The following MYH11 variants were observed in gnomAD, a reference collection of about 807,000 sequenced individuals.
MYH11 encodes myosin heavy chain 11.
Under a neutral mutation model 246.6 loss-of-function variants are expected in MYH11, and 80 were observed. That is an observed-to-expected ratio of 0.32 (90% CI 0.27 to 0.39). The LOEUF is 0.39. Among genes scored for constraint, MYH11 ranks in the 10% least tolerant of loss-of-function variants. The pLI, the probability that MYH11 is intolerant of heterozygous loss-of-function variation, is 1.00. For synonymous variants in MYH11, 1,071 were observed against 1,015.5 expected (o/e 1.05, Z -1.04); for missense variants, 2,158 against 2,546.8 (o/e 0.85, Z 3.29).
At chr16:15,778,397 C>A (rs181024784) in intron 7 of MYH11, among the ~76,000 whole-genome samples, 7 of 152,280 alleles carry the variant, frequency 4.6e-5, no homozygotes, top group Admixed American at 3.3e-4. Flanking sequence ...TTACTCTGCA[C>A]CTCGCATGGT....
chr16:15,745,578 CTTTCTTTTTTT>C (rs2041395716), intron 19 of MYH11, among the ~76,000 whole-genome samples: 1 of 129,334 alleles, frequency 7.7e-6, no homozygotes, highest in Non-Finnish European at 1.6e-5. Flanking sequence ...TTTTTTCTTT[CTTTCTTTTTTT>C]TTTTTTTTTT....
At chr16:15,767,143 GGATGGACGGATGGGT>G (rs1415144637) in intron 9 of MYH11, among the ~76,000 whole-genome samples, 2 of 152,038 alleles carry the variant, frequency 1.3e-5, no homozygotes, top group Non-Finnish European at 2.9e-5. Context: ...GTGGGTAGAT[GGATGGACGGATGGGT>G]GATGGATGGA....
intron 2 of MYH11, among the ~76,000 whole-genome samples, chr16:15,831,937 TAAA>T (rs34089893): frequency 7.0e-6 from 1 of 142,768 alleles, no homozygotes; most frequent in Non-Finnish European, 1.5e-5. Flanking sequence ...GACTCCATGT[TAAA>T]AAAAAAAAAA....
Position 15,705,984 on chromosome 16 carries a change from CAAAAAAAA to C in MYH11, c.5787-1869_5787-1862del, listed in dbSNP as rs57451847. On this transcript the variant is annotated intron_variant, in intron 40 of 40. Transcript: ENST00000300036. The stretch of plus-strand genomic sequence containing the variant: ...TAGGCGACAGGGTGAGACTCCGTCT[CAAAAAAAA>C]AAAAAAAAAAAAATCAAGGCCCAGA... Among the ~76,000 whole-genome samples the C allele has an allele frequency of 2.5e-4, 14 of 56,764 alleles. No homozygotes were observed. The East Asian group carries it at 4.7e-3, about 19-fold the overall frequency. 37.2% of individuals were successfully genotyped at this position (56,764 alleles called of 152,430 possible).
chr16:15,824,113 C>T (rs1184766664), intron 2 of MYH11, among the ~76,000 whole-genome samples: 1 of 118,754 alleles, frequency 8.4e-6, no homozygotes, highest in Non-Finnish European at 1.8e-5. Flanking sequence ...ATATTAAATG[C>T]TCATCATTTA....
chr16:15,707,739 A>G (rs1262923545), intron 40 of MYH11, among the ~76,000 whole-genome samples: 2 of 152,198 alleles, frequency 1.3e-5, no homozygotes, highest in Non-Finnish European at 2.9e-5. Context: ...GGGGAGGCCA[A>G]GGCGCGCGGA....
intron 40 of MYH11, among the ~76,000 whole-genome samples, chr16:15,712,020 C>T (rs981661314): frequency 6.6e-6 from 1 of 152,006 alleles, no homozygotes; most frequent in African/African-American, 2.4e-5. Flanking sequence ...GAAAGTTGAC[C>T]AGATTCTCCC....
chr16:15,805,410 G>C (rs2042985976), intron 3 of MYH11, among the ~76,000 whole-genome samples: 1 of 152,050 alleles, frequency 6.6e-6, no homozygotes, highest in South Asian at 2.1e-4. Context: ...GGCGGAAAAA[G>C]GTACAGATGA....
chr16:15,806,301 A>G (rs77559376), intron 3 of MYH11, among the ~76,000 whole-genome samples: 1 of 124,124 alleles, frequency 8.1e-6, no homozygotes, highest in African/African-American at 3.0e-5. Flanking sequence ...AAAAAAAAAA[A>G]AAAAAAAAAA....
intron 4 of MYH11, among the ~76,000 whole-genome samples, chr16:15,795,565 C>G (rs1412013436): frequency 6.6e-6 from 1 of 152,216 alleles, no homozygotes; most frequent in East Asian, 1.9e-4. Context: ...GAGCCAAGAT[C>G]ACGCCATTGC....
chr16:15,783,177 A>C (rs1178180196), intron 5 of MYH11: 1 of 152,546 alleles, frequency 6.6e-6, no homozygotes, highest in Non-Finnish European at 1.5e-5. Context: ...TAATCATGGC[A>C]GGAAAGGGCC....
intron 15 of MYH11, among the ~76,000 whole-genome samples, chr16:15,752,149 TC>T (rs2041589992): frequency 6.6e-6 from 1 of 151,868 alleles, no homozygotes; most frequent in Admixed American, 6.6e-5. Context: ...AGACTGTGGG[TC>T]CCGCAGAGGA....
In MYH11 at chr16:15,782,006, A is replaced by G. The variant is rs181662295; in HGVS notation, c.726+379T>C. Among the ~76,000 whole-genome samples, 3 of 152,280 alleles carry G rather than the reference A, an allele frequency of 2.0e-5. No individual in the cohort carries two copies. In the East Asian group the frequency reaches 5.8e-4, roughly 29 times the overall value. On this transcript the variant is annotated intron_variant, in intron 6 of 40. Coordinates refer to ENST00000300036, the MANE Select transcript of MYH11 (RefSeq NM_002474.3). Reference sequence around the variant, plus strand: ...GTTACATAAAATGGTATCGGATATAAGGGTCTAGCCCATACCAGGTGCTCA... The same window carrying G: ...GTTACATAAAATGGTATCGGATATAGGGGTCTAGCCCATACCAGGTGCTCA...
rs758327462 is a variant in MYH11 at position 15,724,248 on chromosome 16, C to T, written c.4278G>A (p.Gln1426=). The T allele has an allele frequency of 1.9e-6, 3 of 1,614,238 alleles. No homozygotes were observed. The highest frequency in any genetic ancestry group is 1.7e-6 in the Non-Finnish European group (2 of 1,180,038). ...CAACAACCAGGTCGTCCAGCTCCTG[C>T]TGAAGCCTGTTCTTGGTCTTTTCCA... ...DKLEKTKNRL[Q]QELDDLVVDL... Residue 1426 remains glutamine, a synonymous_variant, in exon 31 of 41, where the codon CAG becomes CAA. Coordinates refer to ENST00000300036, the MANE Select transcript of MYH11 (RefSeq NM_002474.3).
intron 5 of MYH11, chr16:15,786,357 C>T (rs896488500): frequency 1.7e-5 from 10 of 589,540 alleles, no homozygotes; most frequent in Non-Finnish European, 2.5e-5. Context: ...GAAGCCCCGA[C>T]GTGGAGGAAG....
At chr16:15,797,829 T>C (rs989121131) in intron 4 of MYH11, among the ~76,000 whole-genome samples, 17 of 152,060 alleles carry the variant, frequency 1.1e-4, no homozygotes, top group African/African-American at 3.9e-4. Flanking sequence ...TGTAAACAAG[T>C]GTCCTTTCTG....
intron 40 of MYH11, among the ~76,000 whole-genome samples, chr16:15,708,025 G>A (rs1490357526): frequency 1.3e-5 from 2 of 151,348 alleles, no homozygotes; most frequent in East Asian, 3.9e-4. Flanking sequence ...TTCTTGGGAA[G>A]GGCCCTGTGT....
chr16:15,792,871 G>A (rs1315086029), intron 4 of MYH11, among the ~76,000 whole-genome samples: 1 of 152,126 alleles, frequency 6.6e-6, no homozygotes, highest in Admixed American at 6.5e-5. Context: ...CTAAGTAGCT[G>A]GGACTACAGG....
At chr16:15,783,297 T>C in intron 5 of MYH11, 1 of 152,472 alleles carries the variant, frequency 6.6e-6, no homozygotes, top group Non-Finnish European at 1.5e-5. Flanking sequence ...TCTGGGAGTT[T>C]TTCTCCTTGT....
Sources: allele counts gnomAD v4.1 joint callset (sites outside exome capture counted in the v4.1 genomes callset), GRCh38; gene constraint gnomAD v4.1.1; transcripts MANE v1.5; gene names NCBI Gene and HGNC (gene_info 2026-07-23, HGNC 2026-07-21).